SCN1A: variants seen among roughly 807,000 people sequenced by gnomAD.
SCN1A encodes sodium channel protein type 1 subunit alpha.
Under a neutral mutation model 193.7 loss-of-function variants are expected in SCN1A, and 13 were observed. That is an observed-to-expected ratio of 0.07 (90% CI 0.04 to 0.11). The LOEUF (loss-of-function observed/expected upper bound fraction) is 0.11, where lower values mean the gene tolerates loss of function less well. SCN1A is among the 10% of genes least tolerant of loss of function. The probability of loss-of-function intolerance (pLI) is 1.00; values close to 1 mark genes in which losing one functional copy is unlikely to be tolerated. For missense variants in SCN1A, 1,432 were observed against 2,451.1 expected, an observed-to-expected ratio of 0.58 and a Z score of 8.78; for synonymous variants, 781 against 843.6, an observed-to-expected ratio of 0.93 and a Z score of 1.29.
intron 3 of SCN1A, among the ~76,000 whole-genome samples, 166 bp downstream of exon 3, chr2:166,077,544 G>A (rs1018448851): frequency 4.6e-5 from 7 of 151,794 alleles, no homozygotes; most frequent in African/African-American, 1.2e-4. Context: ...TAGAATGGTC[G>A]AAGTCCAGAA....
At chr2:166,138,198 A>G (rs1691940147) in intron 1 of SCN1A, among the ~76,000 whole-genome samples, 1 of 152,260 alleles carries the variant, frequency 6.6e-6, no homozygotes, top group Admixed American at 6.5e-5. Flanking sequence ...ACAATGCAAT[A>G]GAAAAGAAAA....
upstream of SCN1A, among the ~76,000 whole-genome samples, chr2:166,132,058 G>A (rs751773947): frequency 8.5e-5 from 13 of 152,180 alleles, no homozygotes; most frequent in Non-Finnish European, 1.6e-4. Flanking sequence ...CGCAGGAAAG[G>A]AATTGGAGGC....
At chr2:166,088,056 TTGTGTG>T (rs10525602) in intron 2 of SCN1A, among the ~76,000 whole-genome samples, 26 of 146,840 alleles carry the variant, frequency 1.8e-4, no homozygotes, top group Non-Finnish European at 1.8e-4. Flanking sequence ...ATCTGTGTGT[TTGTGTG>T]TGTGTGTGTG....
At chr2:166,144,830 T>A (rs1364970771) in intron 1 of SCN1A, among the ~76,000 whole-genome samples, 1 of 148,300 alleles carries the variant, frequency 6.7e-6, no homozygotes, top group African/African-American at 2.5e-5. Context: ...TTAGAGTTGC[T>A]ATGGGTCTCA....
At chr2:165,985,750 A>T (rs1290241318), downstream of SCN1A, 5 of 152,234 alleles carry the variant, frequency 3.3e-5, no homozygotes, top group East Asian at 9.7e-4. Flanking sequence ...ATCAATATTG[A>T]TTGACAACCT....
At chr2:166,094,063 AC>A (rs1687117376) in intron 2 of SCN1A, among the ~76,000 whole-genome samples, 2 of 152,276 alleles carry the variant, frequency 1.3e-5, no homozygotes, top group South Asian at 2.1e-4. Flanking sequence ...ACACACACAC[AC>A]AAAAATGATC....
intron 6 of SCN1A, 119 bp from the exon 7 acceptor site, chr2:166,054,885 A>G: frequency 2.2e-6 from 2 of 893,084 alleles, no homozygotes; most frequent in Non-Finnish European, 3.4e-6. Context: ...AAGCAGATGG[A>G]TTTTAATTTC....
At chr2:166,044,634 G>A (rs1697573090) in intron 13 of SCN1A, among the ~76,000 whole-genome samples, 2 of 152,064 alleles carry the variant, frequency 1.3e-5, no homozygotes, top group Admixed American at 1.3e-4. Flanking sequence ...AGCATGCATG[G>A]TGACTTATAA....
intron 2 of SCN1A, among the ~76,000 whole-genome samples, chr2:166,124,080 A>C (rs999653852): frequency 6.6e-6 from 1 of 152,194 alleles, no homozygotes; most frequent in East Asian, 1.9e-4. Flanking sequence ...ATTTTTCTTC[A>C]AAGAACTTAC....
intron 2 of SCN1A, among the ~76,000 whole-genome samples, chr2:166,124,554 CAACAAACA>C (rs377255864): frequency 2.6e-5 from 4 of 151,958 alleles, no homozygotes; most frequent in African/African-American, 9.7e-5. Context: ...CTCAAAAAAA[CAACAAACA>C]AACAAACAAA....
chr2:166,020,060 G>A (rs376469185), intron 19 of SCN1A, among the ~76,000 whole-genome samples: 2 of 151,870 alleles, frequency 1.3e-5, no homozygotes, highest in East Asian at 1.9e-4. Context: ...ACAGGCGCCC[G>A]CCACCATGCC....
intron 25 of SCN1A, among the ~76,000 whole-genome samples, chr2:165,999,305 G>A (rs1334637129): frequency 6.6e-6 from 1 of 151,386 alleles, no homozygotes; most frequent in East Asian, 1.9e-4. Flanking sequence ...ATCTAAGGCT[G>A]ACAGAACAAT....
In SCN1A at chr2:165,992,781, A is replaced by G. The variant is rs1689441152; in HGVS notation, c.4853-359T>C. 1 of 154,210 alleles carries G rather than the reference A, an allele frequency of 6.5e-6. No homozygotes were observed. Among genetic ancestry groups the G allele is most frequent in the African/African-American group, 2.4e-5 (1 of 41,486 alleles). 9.6% of individuals were successfully genotyped at this position (154,210 alleles called of 1,614,324 possible). The stretch of plus-strand genomic sequence containing the variant: ...AGTATAGGTACAAGTTTATATGTAT[A>G]CAGTGACTTTTTCTGAAATTGCCAT... On this transcript the variant is annotated intron_variant, in intron 28 of 28. Coordinates refer to ENST00000674923, the MANE Select transcript of SCN1A (RefSeq NM_001165963.4). The surrounding 1 kb of genome is among the most constrained non-coding windows in gnomAD (Gnocchi z 6.5).
At chr2:166,026,873 TG>T (rs1402068534) in intron 19 of SCN1A, among the ~76,000 whole-genome samples, 1 of 151,762 alleles carries the variant, frequency 6.6e-6, no homozygotes, top group Admixed American at 6.6e-5. Context: ...TTAGTAGAGA[TG>T]GGGTTTCACC....
chr2:166,022,977 G>T lies in SCN1A; in HGVS notation c.3430-7250C>A, dbSNP rs1694256540. Among the ~76,000 whole-genome samples, 4 of 152,040 alleles carry T rather than the reference G, an allele frequency of 2.6e-5. No homozygotes were observed. In the South Asian group the frequency reaches 8.3e-4, roughly 31 times the overall value. ...CAGATTGGTAAAGTAGACCTGGATAGTATAATTGATTTGGCAAAAAGCACA... is the reference window on the plus strand; with the variant it reads ...CAGATTGGTAAAGTAGACCTGGATATTATAATTGATTTGGCAAAAAGCACA... On this transcript the variant is annotated intron_variant, in intron 19 of 28. Coordinates refer to ENST00000674923, the MANE Select transcript of SCN1A (RefSeq NM_001165963.4).
Position 166,001,882 on chromosome 2 carries a change from T to C in SCN1A, c.4284+590A>G, listed in dbSNP as rs921664049. 4.1e-3 allele frequency among the ~76,000 whole-genome samples: 540 copies of C among 131,784 alleles called. 12 individuals carry two copies. Among genetic ancestry groups the C allele is most frequent in the African/African-American group, 0.012 (411 of 33,898 alleles). The allele number at this position is 131,784 out of a possible 152,430, so 86.5% of individuals were successfully genotyped here. ...GCTTCCAGGTATAATTCTCTCTCTT[T>C]TTTTTTTTTTTTTTTTTTTTTTTTA... On this transcript the variant is annotated intron_variant, in intron 24 of 28. Transcript: ENST00000674923.
chr2:166,114,887 A>G (rs1462131597), intron 2 of SCN1A, among the ~76,000 whole-genome samples: 1 of 152,212 alleles, frequency 6.6e-6, no homozygotes, highest in Non-Finnish European at 1.5e-5. Context: ...CAAAATATTA[A>G]CATGTTAAAA....
chr2:166,125,559 G>C, intron 2 of SCN1A, among the ~76,000 whole-genome samples: 1 of 152,142 alleles, frequency 6.6e-6, no homozygotes, highest in East Asian at 1.9e-4. Context: ...AGGTGCTCTT[G>C]TGTTTACCCT....
chr2:166,022,879 A>G (rs762814972), intron 19 of SCN1A, among the ~76,000 whole-genome samples: 1 of 152,202 alleles, frequency 6.6e-6, no homozygotes, highest in South Asian at 2.1e-4. Flanking sequence ...AAACTTGACA[A>G]ATTATACTCA....
Sources: gnomAD v4.1 joint callset for allele counts (sites outside exome capture counted in the v4.1 genomes callset) on GRCh38, gnomAD v4.1.1 for gene constraint, Gnocchi (gnomAD v3.1) non-coding constraint, MANE v1.5 for transcripts, NCBI Gene and HGNC (gene_info 2026-07-23, HGNC 2026-07-21) for gene names.